LDB3: variants seen among roughly 807,000 people sequenced by gnomAD.
LDB3 encodes LIM domain binding 3, also known as LIM domain-binding protein 3.
LDB3 carries 49 observed loss-of-function variants against 69.0 expected under a neutral mutation model. That is an observed-to-expected ratio of 0.71 (90% CI 0.56 to 0.90). The LOEUF (loss-of-function observed/expected upper bound fraction) is 0.90, where lower values mean the gene tolerates loss of function less well. Ranked by LOEUF, LDB3 falls within the 40% of genes least tolerant of loss-of-function variation. LDB3 has a pLI of 0.00. For synonymous variants in LDB3, 387 were observed against 396.2 expected (o/e 0.98, Z 0.28); for missense variants, 928 against 974.1 (o/e 0.95, Z 0.63).
At position 86,699,227 on chromosome 10, in the gene LDB3, CTCTG is replaced by C; in HGVS notation, c.896+6660_896+6663del. On this transcript the variant is annotated intron_variant, in intron 7 of 13. Transcript: ENST00000361373. This position sits in a 1 kb window ranked among gnomAD's most constrained non-coding sequence, Gnocchi z 4.9. Reference sequence around the variant, plus strand: ...CTCCCTCTCTTCTCTCTCTTTCTGTCTCTGTCTCTGTTTCTCTCTCTCTCTCTCT... The same window carrying C: ...CTCCCTCTCTTCTCTCTCTTTCTGTCTCTCTGTTTCTCTCTCTCTCTCTCT... 3.8e-6 allele frequency: 6 copies of C among 1,561,962 alleles called. No homozygotes were observed. The highest frequency in any genetic ancestry group is 3.5e-6 in the Non-Finnish European group (4 of 1,158,628).
rs1004651681 is a variant in LDB3, at chr10:86,681,518, C to A, written c.404C>A (p.Thr135Asn). Residue 135 changes from threonine (T) to asparagine (N), a missense_variant, in exon 5 of 14, where the codon ACC becomes AAC. By Grantham distance (65) the Thr-to-Asn change is moderately conservative. Transcript: ENST00000361373. ...AGGGCCAGCCCAGGCACCCCAGGCA[C>A]CCCGGAGCTCAGGCCCACCTTTAGC... is the stretch of plus-strand genomic sequence containing the variant. ...EARASPGTPG[T>N]PELRPTFSPA... The A allele has an allele frequency of 1.9e-5, 31 of 1,612,018 alleles. No individual in the cohort carries two copies. In the Admixed American group the frequency reaches 3.7e-4, roughly 19 times the overall value.
At chr10:86,725,941 G>A (rs868341827) in intron 12 of LDB3, among the ~76,000 whole-genome samples, 196 bp from the exon 13 acceptor site, 7 of 152,076 alleles carry the variant, frequency 4.6e-5, no homozygotes, top group Non-Finnish European at 7.3e-5. Flanking sequence ...TCTAAGCCTG[G>A]GTCTGAACAA....
chr10:86,706,506 T>C, intron 7 of LDB3, 25 bp from the exon 8 acceptor site: 1 of 1,610,150 alleles, frequency 6.2e-7, no homozygotes, highest in Non-Finnish European at 8.5e-7. Flanking sequence ...CTTGACCTGT[T>C]GTCTTTTTGG....
chr10:86,727,501 C>T (rs938331831), intron 13 of LDB3, among the ~76,000 whole-genome samples: 1 of 152,196 alleles, frequency 6.6e-6, no homozygotes, highest in Non-Finnish European at 1.5e-5. Context: ...CCACACTTCG[C>T]TTCCATACCC....
chr10:86,668,296 A>C (rs1844259254), upstream of LDB3, among the ~76,000 whole-genome samples: 2 of 152,164 alleles, frequency 1.3e-5, no homozygotes, highest in Admixed American at 6.5e-5. Flanking sequence ...AGGAGCAAGG[A>C]GACCAGAGCA....
chr10:86,681,107 G>A (rs953857587), intron 4 of LDB3, among the ~76,000 whole-genome samples: 13 of 152,242 alleles, frequency 8.5e-5, no homozygotes, highest in Admixed American at 6.5e-4. Context: ...CCACTCTCAG[G>A]GGCAGGGGGA....
intron 2 of LDB3, among the ~76,000 whole-genome samples, chr10:86,672,360 G>A (rs926638148): frequency 6.6e-6 from 1 of 152,188 alleles, no homozygotes; most frequent in Non-Finnish European, 1.5e-5. Flanking sequence ...CTTCTCTGTG[G>A]GTTTCGGTTC....
At chr10:86,680,761 G>A (rs765973886) in intron 4 of LDB3, among the ~76,000 whole-genome samples, 3 of 152,232 alleles carry the variant, frequency 2.0e-5, no homozygotes, top group Non-Finnish European at 4.4e-5. Flanking sequence ...GCCCCGCCAA[G>A]CAGCTCAACC....
chr10:86,724,975 T>C (rs1187978278), intron 12 of LDB3, among the ~76,000 whole-genome samples: 1 of 152,210 alleles, frequency 6.6e-6, no homozygotes, highest in African/African-American at 2.4e-5. Context: ...TCTTCCTTTA[T>C]TCAGAGTCCA....
At position 86,717,946 on chromosome 10, in the gene LDB3, C is replaced by T. The variant is rs771022421; in HGVS notation, c.1677-18C>T. ...TTCTGGGAGCTGCCTTACTGGGTGC[C>T]ATTCTGTGCTTCCCCAGGGGCCCAT... On this transcript the variant is annotated intron_variant, in intron 10 of 13. Transcript: ENST00000361373. 2.1e-5 allele frequency: 34 copies of T among 1,613,248 alleles called. No homozygotes were observed. Among genetic ancestry groups the T allele is most frequent in the Non-Finnish European group, 2.5e-5 (29 of 1,179,568 alleles).
intron 2 of LDB3, 80 bp from the exon 3 acceptor site, chr10:86,679,286 CG>C (rs1844972493): frequency 1.9e-6 from 3 of 1,540,176 alleles, no homozygotes; most frequent in Non-Finnish European, 2.7e-6. Context: ...TGAATACTCC[CG>C]GGTGACTCTT....
chr10:86,669,424 C>T (rs1844337604), intron 2 of LDB3, among the ~76,000 whole-genome samples: 1 of 152,222 alleles, frequency 6.6e-6, no homozygotes, highest in African/African-American at 2.4e-5. Flanking sequence ...GGTGAGATGG[C>T]CCCCTATCCT....
Position 86,679,454 on chromosome 10 carries a change from A to C in LDB3, c.181A>C (p.Thr61Pro), listed in dbSNP as rs757553784. 6.2e-7 allele frequency: 1 copy of C among 1,614,064 alleles called. No homozygotes were observed. The highest frequency in any genetic ancestry group is 1.1e-5 in the South Asian group (1 of 91,078). Residue 61 changes from threonine to proline, a missense_variant, in exon 3 of 14, where the codon ACC (threonine) becomes CCC (proline). Coordinates refer to ENST00000361373, the MANE Select transcript of LDB3 (RefSeq NM_007078.3). Reference sequence around the variant, plus strand: ...TGACGGCGTCAACACAGACACCATGACCCACCTGGAAGCCCAGAACAAGAT... The same window carrying C: ...TGACGGCGTCAACACAGACACCATGCCCCACCTGGAAGCCCAGAACAAGAT... ...AIDGVNTDTM[T>P]HLEAQNKIKS...
intron 8 of LDB3, among the ~76,000 whole-genome samples, chr10:86,708,149 T>C (rs535448833): frequency 3.3e-5 from 5 of 152,234 alleles, no homozygotes; most frequent in Non-Finnish European, 7.3e-5. Flanking sequence ...CTGGAACCCT[T>C]GGGATGCCCC....
chr10:86,703,261 C>T (rs977654356), intron 7 of LDB3, among the ~76,000 whole-genome samples: 5 of 152,186 alleles, frequency 3.3e-5, no homozygotes, highest in Non-Finnish European at 7.3e-5. Context: ...CAGCCTGAGC[C>T]GTCCCAGGCC....
chr10:86,717,891 G>A, intron 10 of LDB3, 73 bp from the exon 11 acceptor site: 1 of 1,387,100 alleles, frequency 7.2e-7, no homozygotes, highest in Non-Finnish European at 1.0e-6. Flanking sequence ...TATAAACAGT[G>A]TTGGGGTTCT....
chr10:86,734,955 A>G lies in LDB3; in HGVS notation c.*1979A>G, dbSNP rs2132521161. On this transcript the variant is annotated 3_prime_UTR_variant, in exon 14 of 14. Transcript: ENST00000361373. ...CAGGCTCTAAGTCATTTTCTCCAAA[A>G]ACTATCTATTCAATTATCAGGGGCT... 6.6e-6 allele frequency: 1 copy of G among 151,828 alleles called. No individual in the cohort carries two copies. The highest frequency in any genetic ancestry group is 2.1e-4 in the South Asian group (1 of 4,798). The allele number at this position is 151,828 out of a possible 1,614,324, so 9.4% of individuals were successfully genotyped here.
In LDB3 at chr10:86,680,045, CA is replaced by C. The variant is rs781146058; in HGVS notation, c.246-35del. On this transcript the variant is annotated intron_variant, in intron 3 of 13. Coordinates refer to ENST00000361373, the MANE Select transcript of LDB3 (RefSeq NM_007078.3). ...AGGCAGGAGCTTCTGGCCCCAGGGG[CA>C]ACTTCCTCACCTGGTCTCATTTCTG... 5.7e-6 allele frequency: 9 copies of C among 1,589,552 alleles called. No homozygotes were observed. In the African/African-American group the frequency reaches 1.2e-4, roughly 21 times the overall value.
At chr10:86,696,361 C>T (rs1021657005) in intron 7 of LDB3, among the ~76,000 whole-genome samples, 1 of 152,222 alleles carries the variant, frequency 6.6e-6, no homozygotes, top group South Asian at 2.1e-4. Flanking sequence ...GCCACCCTAG[C>T]GAGTTTGAAA....
Sources: gnomAD v4.1 joint callset for allele counts (sites outside exome capture counted in the v4.1 genomes callset) on GRCh38, gnomAD v4.1.1 for gene constraint, Gnocchi (gnomAD v3.1) non-coding constraint, MANE v1.5 for transcripts, NCBI Gene and HGNC (gene_info 2026-07-23, HGNC 2026-07-21) for gene names.